Variants in CEP128 observed in about 807,000 individuals in gnomAD.
CEP128 encodes the protein centrosomal protein 128kDa.
In CEP128, 132 loss-of-function variants were observed where a neutral mutation model predicts 156.7. The ratio of observed to expected loss-of-function variants is 0.84; its 90% CI spans 0.73 to 0.97. CEP128 has a LOEUF of 0.97. CEP128 is among the 50% of genes least tolerant of loss of function. The probability of loss-of-function intolerance (pLI) is 0.00; values close to 1 mark genes in which losing one functional copy is unlikely to be tolerated. For synonymous variants in CEP128, 469 were observed against 448.9 expected (o/e 1.04, Z -0.57); for missense variants, 1,252 against 1,281.9 (o/e 0.98, Z 0.36).
At chr14:80,883,048 T>C (rs896939526) in intron 8 of CEP128, among the ~76,000 whole-genome samples, 1 of 152,136 alleles carries the variant, frequency 6.6e-6, no homozygotes, top group Non-Finnish European at 1.5e-5. Context: ...TAAAAGAGTA[T>C]AATTGGATTG....
chr14:80,588,746 C>T (rs1187281056), intron 19 of CEP128, among the ~76,000 whole-genome samples: 1 of 152,036 alleles, frequency 6.6e-6, no homozygotes, highest in Non-Finnish European at 1.5e-5. Flanking sequence ...AAATCCTTTC[C>T]TTAAAAACTT....
chr14:80,599,093 C>T (rs1175513368), intron 19 of CEP128, among the ~76,000 whole-genome samples: 1 of 152,062 alleles, frequency 6.6e-6, no homozygotes, highest in Non-Finnish European at 1.5e-5. Context: ...TCATGTGAAT[C>T]TAACAATAAC....
intron 19 of CEP128, among the ~76,000 whole-genome samples, chr14:80,583,651 G>A (rs946570634): frequency 2.0e-5 from 3 of 152,180 alleles, no homozygotes; most frequent in African/African-American, 7.2e-5. Context: ...AATGAGGCTG[G>A]CAAAGAAGAA....
chr14:80,950,221 A>G (rs571753896), intron 2 of CEP128, among the ~76,000 whole-genome samples: 11 of 152,148 alleles, frequency 7.2e-5, no homozygotes, highest in Non-Finnish European at 1.3e-4. Context: ...CAGTCAAGGA[A>G]ACATCCACCC....
At chr14:80,839,917 A>G (rs1413138528) in intron 10 of CEP128, among the ~76,000 whole-genome samples, 1 of 152,202 alleles carries the variant, frequency 6.6e-6, no homozygotes, top group East Asian at 1.9e-4. Context: ...ACCAAAGCCC[A>G]TATTGATCAT....
intron 19 of CEP128, among the ~76,000 whole-genome samples, chr14:80,622,663 C>T (rs1169603929): frequency 1.1e-4 from 16 of 150,152 alleles, no homozygotes; most frequent in African/African-American, 3.7e-4. Context: ...TGAACAGACA[C>T]TTCTCAAAAG....
intron 19 of CEP128, among the ~76,000 whole-genome samples, chr14:80,647,056 T>TGTGTGC (rs1566831569): frequency 0.022 from 262 of 11,798 alleles, 16 homozygotes; most frequent in Non-Finnish European, 0.031. Flanking sequence ...TATATATATA[T>TGTGTGC]ATATATATAT....
intron 19 of CEP128, among the ~76,000 whole-genome samples, chr14:80,702,579 T>C (rs935307901): frequency 1.6e-4 from 25 of 152,142 alleles, no homozygotes; most frequent in Non-Finnish European, 2.6e-4. Flanking sequence ...TTTACATATA[T>C]CAGTTCATTT....
intron 21 of CEP128, among the ~76,000 whole-genome samples, chr14:80,556,308 A>G (rs1190561673): frequency 1.3e-5 from 2 of 152,174 alleles, no homozygotes; most frequent in Admixed American, 1.3e-4. Flanking sequence ...GGAATTTCTC[A>G]CAACTACTGG....
Position 80,743,145 on chromosome 14 carries a change from C to T in CEP128, c.2736G>A (p.Glu912=), listed in dbSNP as rs1245984140. The change falls in exon 19 of 25, where the codon GAG becomes GAA. Residue 912 remains glutamate, a synonymous_variant. Coordinates refer to ENST00000555265, the MANE Select transcript of CEP128 (RefSeq NM_152446.5). Reference sequence around the variant, plus strand: ...CTATCTGTTGAAAGAGACACTGCAACTCAGATTCCTTGTTTTCAGTCAAAT... The same window carrying T: ...CTATCTGTTGAAAGAGACACTGCAATTCAGATTCCTTGTTTTCAGTCAAAT... ...LRNLTENKES[E]LQCLFQQIER... 1.2e-6 allele frequency: 2 copies of T among 1,613,832 alleles called. No individual in the cohort carries two copies. Among genetic ancestry groups the T allele is most frequent in the Admixed American group, 3.3e-5 (2 of 59,978 alleles).
At chr14:80,828,829 A>G (rs549751351) in intron 13 of CEP128, among the ~76,000 whole-genome samples, 38 of 152,354 alleles carry the variant, frequency 2.5e-4, no homozygotes, top group Middle Eastern at 3.4e-3. Context: ...GGCCTGACCA[A>G]TGATCTCATT....
At chr14:80,783,689 A>T (rs1468301412) in intron 15 of CEP128, among the ~76,000 whole-genome samples, 1 of 152,196 alleles carries the variant, frequency 6.6e-6, no homozygotes, top group Non-Finnish European at 1.5e-5. Flanking sequence ...TCAACATTAA[A>T]ATGTGTATCT....
At chr14:80,525,651 C>T (rs1346392260) in intron 23 of CEP128, among the ~76,000 whole-genome samples, 1 of 152,124 alleles carries the variant, frequency 6.6e-6, no homozygotes, top group African/African-American at 2.4e-5. Context: ...GAGACAAGGT[C>T]ACCACTATAG....
intron 2 of CEP128, among the ~76,000 whole-genome samples, chr14:80,919,333 A>G (rs546528662): frequency 2.0e-4 from 31 of 152,342 alleles, no homozygotes; most frequent in Non-Finnish European, 3.8e-4. Context: ...TATTTAAGAT[A>G]CAAAATAGTA....
chr14:80,734,261 T>C (rs1942625315), intron 19 of CEP128, among the ~76,000 whole-genome samples: 1 of 152,038 alleles, frequency 6.6e-6, no homozygotes, highest in South Asian at 2.1e-4. Context: ...AAAAAGAATA[T>C]AATAATGAAT....
At chr14:80,507,633 C>A (rs185405650) in intron 23 of CEP128, among the ~76,000 whole-genome samples, 21 of 152,174 alleles carry the variant, frequency 1.4e-4, no homozygotes, top group Admixed American at 3.3e-4. Context: ...TGATTAGAGG[C>A]CAATAAGGGG....
At chr14:80,527,474 T>C (rs1411011107) in intron 22 of CEP128, among the ~76,000 whole-genome samples, 3 of 150,982 alleles carry the variant, frequency 2.0e-5, no homozygotes, top group Non-Finnish European at 4.4e-5. Flanking sequence ...AAATTGTCAC[T>C]GTGGATAAAA....
chr14:80,577,118 T>A (rs1344424064), intron 20 of CEP128, among the ~76,000 whole-genome samples: 1 of 152,204 alleles, frequency 6.6e-6, no homozygotes, highest in Non-Finnish European at 1.5e-5. Flanking sequence ...TTATTTCCTT[T>A]ATGTCTTAGA....
chr14:80,848,960 A>G (rs1886750467), intron 9 of CEP128, among the ~76,000 whole-genome samples: 1 of 152,116 alleles, frequency 6.6e-6, no homozygotes, highest in Admixed American at 6.6e-5. Flanking sequence ...TCTTGAAGAA[A>G]GATGTGACAT....
Sources: allele counts gnomAD v4.1 joint callset (sites outside exome capture counted in the v4.1 genomes callset), GRCh38; gene constraint gnomAD v4.1.1; transcripts MANE v1.5; gene names NCBI Gene and HGNC (gene_info 2026-07-23, HGNC 2026-07-21).